The following TMEM131L variants were observed in gnomAD, a reference collection of about 807,000 sequenced individuals.
TMEM131L encodes transmembrane 131 like, also known as transmembrane protein 131-like.
TMEM131L carries 54 observed loss-of-function variants against 192.2 expected under a neutral mutation model. The observed-to-expected ratio is 0.28, with a 90% confidence interval of 0.23 to 0.35. The LOEUF is 0.35. TMEM131L is among the 10% of genes least tolerant of loss of function. The pLI, the probability that TMEM131L is intolerant of heterozygous loss-of-function variation, is 1.00. For synonymous variants in TMEM131L, 701 were observed against 704.9 expected, an observed-to-expected ratio of 0.99 and a Z score of 0.09; for missense variants, 1,888 against 1,972.9, an observed-to-expected ratio of 0.96 and a Z score of 0.82.
Position 153,621,750 on chromosome 4 carries a change from A to C in TMEM131L, c.3760A>C (p.Ile1254Leu), listed in dbSNP as rs774946935. The change falls in exon 28 of 35, where the codon ATC (isoleucine) becomes CTC (leucine). Residue 1254 changes from isoleucine to leucine, a missense_variant. Physicochemically the swap from Ile to Leu is conservative, Grantham distance 5. Coordinates refer to ENST00000409959, the MANE Select transcript of TMEM131L (RefSeq NM_001131007.2). Reference protein sequence around the residue: ...DFERSELSSDINVRSWCIQES... With the variant: ...DFERSELSSDLNVRSWCIQES... ...TGAGAGGTCTGAGCTGAGCAGTGACATCAATGTAAGAAGCTGGTGTATACA... is the reference window on the plus strand; with the variant it reads ...TGAGAGGTCTGAGCTGAGCAGTGACCTCAATGTAAGAAGCTGGTGTATACA... The C allele has an allele frequency of 5.0e-6, 8 of 1,614,178 alleles. No homozygotes were observed. The African/African-American group carries it at 1.1e-4, about 22-fold the overall frequency.
chr4:153,580,010 C>T (rs1199187303), intron 7 of TMEM131L, among the ~76,000 whole-genome samples: 7 of 152,080 alleles, frequency 4.6e-5, no homozygotes, highest in East Asian at 1.9e-4. Flanking sequence ...CTGTGGCTCC[C>T]GGGTGGAGTA....
chr4:153,526,755 C>G (rs187923274), intron 3 of TMEM131L, among the ~76,000 whole-genome samples: 1 of 151,072 alleles, frequency 6.6e-6, no homozygotes, highest in Non-Finnish European at 1.5e-5. Flanking sequence ...AAAAAGGAAG[C>G]TTGCTGTCTT....
At chr4:153,468,428 T>C (rs1177618205) in intron 2 of TMEM131L, among the ~76,000 whole-genome samples, 3 of 150,948 alleles carry the variant, frequency 2.0e-5, no homozygotes, top group Admixed American at 1.3e-4. Context: ...AAAAATTTAT[T>C]CCCAAATGGA....
intron 3 of TMEM131L, among the ~76,000 whole-genome samples, chr4:153,492,778 T>C (rs1732878520): frequency 3.3e-5 from 5 of 152,198 alleles, no homozygotes; most frequent in Admixed American, 2.6e-4. Context: ...TTTTAACTTA[T>C]ATATCTTTTC....
At chr4:153,595,985 T>C (rs1731407539) in intron 19 of TMEM131L, among the ~76,000 whole-genome samples, 1 of 152,210 alleles carries the variant, frequency 6.6e-6, no homozygotes, top group African/African-American at 2.4e-5. Context: ...AGAAAGCTTC[T>C]AGCCCCAACT....
At chr4:153,614,519 G>A (rs550711063) in intron 26 of TMEM131L, among the ~76,000 whole-genome samples, 2 of 152,266 alleles carry the variant, frequency 1.3e-5, no homozygotes, top group African/African-American at 4.8e-5. Flanking sequence ...CTGAGTTGGT[G>A]GGGGGCGGCG....
At chr4:153,495,481 A>AG in intron 3 of TMEM131L, among the ~76,000 whole-genome samples, 1 of 152,294 alleles carries the variant, frequency 6.6e-6, no homozygotes, top group East Asian at 1.9e-4. Flanking sequence ...AGGGGAGGGC[A>AG]GGGGCTTCCA....
intron 3 of TMEM131L, among the ~76,000 whole-genome samples, chr4:153,500,994 TC>T (rs1414713284): frequency 6.6e-6 from 1 of 152,088 alleles, no homozygotes; most frequent in Non-Finnish European, 1.5e-5. Context: ...AAAAAAAAAT[TC>T]TGGAAGATAG....
At chr4:153,498,304 C>A (rs12501189) in intron 3 of TMEM131L, among the ~76,000 whole-genome samples, 21,128 of 152,102 alleles carry the variant, frequency 0.14, 2,773 homozygotes, top group African/African-American at 0.32. Context: ...GGGAACTTTT[C>A]CTAAAAGCCC....
chr4:153,632,934 A>C, intron 32 of TMEM131L, 96 bp downstream of exon 32: 2 of 1,433,842 alleles, frequency 1.4e-6, no homozygotes, highest in Non-Finnish European at 1.9e-6. Flanking sequence ...ACAAAAATGA[A>C]GGCTAGGCTT....
intron 3 of TMEM131L, among the ~76,000 whole-genome samples, chr4:153,506,934 G>A (rs1305435689): frequency 2.6e-5 from 4 of 152,088 alleles, no homozygotes. Context: ...AGACCAGAGT[G>A]GGGAATAAAA....
intron 30 of TMEM131L, among the ~76,000 whole-genome samples, chr4:153,626,692 G>C (rs1733867334): frequency 6.6e-6 from 1 of 152,192 alleles, no homozygotes; most frequent in Non-Finnish European, 1.5e-5. Flanking sequence ...TTGATCCCAG[G>C]AGATCGAGGC....
intron 3 of TMEM131L, among the ~76,000 whole-genome samples, chr4:153,498,425 A>C (rs183713699): frequency 1.3e-5 from 2 of 152,350 alleles, no homozygotes; most frequent in East Asian, 3.9e-4. Context: ...GACATCCTGG[A>C]ACATGTGTTT....
At position 153,621,785 on chromosome 4, in the gene TMEM131L, T is replaced by C. The variant is rs780484575; in HGVS notation, c.3795T>C (p.Thr1265=). Residue 1265 remains threonine, a synonymous_variant, in exon 28 of 35, where the codon ACT becomes ACC. Transcript: ENST00000409959. ...NVRSWCIQES[T]REVCKADAEI... is the part of the protein sequence containing the mutation. ...GAAGCTGGTGTATACAGGAAAGCAC[T>C]AGGGAGGTTTGTAAAGCAGATGCCG... 3 of 1,614,126 alleles carry C rather than the reference T, an allele frequency of 1.9e-6. No homozygotes were observed. The highest frequency in any genetic ancestry group is 2.5e-6 in the Non-Finnish European group (3 of 1,180,014).
chr4:153,523,096 A>T (rs2150161325), intron 3 of TMEM131L, among the ~76,000 whole-genome samples: 1 of 152,160 alleles, frequency 6.6e-6, no homozygotes, highest in African/African-American at 2.4e-5. Flanking sequence ...CTTAGTTCTT[A>T]AAAAAAATAG....
intron 12 of TMEM131L, 115 bp downstream of exon 12, chr4:153,585,046 C>G: frequency 1.3e-6 from 1 of 760,230 alleles, no homozygotes; most frequent in Non-Finnish European, 2.2e-6. Flanking sequence ...TCTCACTGGC[C>G]TTGCCTCCCC....
chr4:153,493,471 C>T (rs1396932227), intron 3 of TMEM131L, among the ~76,000 whole-genome samples: 2 of 151,318 alleles, frequency 1.3e-5, no homozygotes, highest in African/African-American at 2.4e-5. Flanking sequence ...CCAGCCTGGC[C>T]AGTGTGGTAA....
chr4:153,518,026 TGG>T (rs1734854223), intron 3 of TMEM131L, among the ~76,000 whole-genome samples: 1 of 150,986 alleles, frequency 6.6e-6, no homozygotes, highest in African/African-American at 2.5e-5. Context: ...TGTTTTATAA[TGG>T]GGTGAAAAAA....
chr4:153,593,597 A>G (rs1731218794), intron 18 of TMEM131L, among the ~76,000 whole-genome samples: 1 of 152,122 alleles, frequency 6.6e-6, no homozygotes, highest in Non-Finnish European at 1.5e-5. Context: ...AATATGGCAG[A>G]TATGGGTGTG....
Sources: gnomAD v4.1 joint callset for allele counts (sites outside exome capture counted in the v4.1 genomes callset) on GRCh38, gnomAD v4.1.1 for gene constraint, MANE v1.5 for transcripts, NCBI Gene and HGNC (gene_info 2026-07-23, HGNC 2026-07-21) for gene names.